Variants in MAP4K4 observed in about 807,000 individuals in gnomAD.
The protein encoded by MAP4K4 is HPK/GCK-like kinase HGK.
In MAP4K4, 38 loss-of-function variants were observed where a neutral mutation model predicts 189.6. The observed-to-expected ratio is 0.20, with a 90% CI of 0.15 to 0.26. The LOEUF is 0.26. Among genes scored for constraint, MAP4K4 ranks in the 10% least tolerant of loss-of-function variants. The probability of loss-of-function intolerance (pLI) is 1.00; values close to 1 mark genes in which losing one functional copy is unlikely to be tolerated. For missense variants in MAP4K4, 1,054 were observed against 1,726.9 expected (o/e 0.61, Z 6.91); for synonymous variants, 610 against 624.3 (o/e 0.98, Z 0.34).
At chr2:101,822,855 A>G (rs775059727) in intron 3 of MAP4K4, among the ~76,000 whole-genome samples, 12 of 152,228 alleles carry the variant, frequency 7.9e-5, no homozygotes, top group Non-Finnish European at 1.6e-4. Context: ...TTGAAAATGT[A>G]TGCAGTATAG....
intron 1 of MAP4K4, 88 bp from the exon 2 acceptor site, chr2:101,698,385 A>C: frequency 1.6e-6 from 2 of 1,252,798 alleles, no homozygotes; most frequent in Non-Finnish European, 2.3e-6. Flanking sequence ...CTCTTTTGTC[A>C]CCGCCTTTTC....
At chr2:101,806,920 G>T (rs149286775) in intron 3 of MAP4K4, among the ~76,000 whole-genome samples, 1 of 152,216 alleles carries the variant, frequency 6.6e-6, no homozygotes, top group Non-Finnish European at 1.5e-5. Flanking sequence ...TTGGAACTAC[G>T]GTTAAAGCAG....
chr2:101,771,273 A>G (rs530239341), intron 2 of MAP4K4, among the ~76,000 whole-genome samples: 1 of 152,286 alleles, frequency 6.6e-6, no homozygotes, highest in South Asian at 2.1e-4. Context: ...TAATGGGAAA[A>G]GGAAGGAACA....
At chr2:101,827,080 G>A (rs763554016) in intron 5 of MAP4K4, among the ~76,000 whole-genome samples, 4 of 152,092 alleles carry the variant, frequency 2.6e-5, no homozygotes, top group Non-Finnish European at 4.4e-5. Context: ...ACCCAGGCAA[G>A]CATTGTTTAC....
intron 12 of MAP4K4, among the ~76,000 whole-genome samples, chr2:101,845,396 T>C (rs1173766780): frequency 6.6e-6 from 1 of 152,180 alleles, no homozygotes; most frequent in African/African-American, 2.4e-5. Flanking sequence ...TATACAGTCA[T>C]GGGTCGCTTA....
intron 2 of MAP4K4, among the ~76,000 whole-genome samples, chr2:101,730,235 A>G (rs1487048480): frequency 1.3e-5 from 2 of 152,140 alleles, no homozygotes; most frequent in East Asian, 3.8e-4. Flanking sequence ...AATAGTTGGT[A>G]GATGGTCTTT....
chr2:101,833,619 C>CAAA (rs373529950), intron 7 of MAP4K4, among the ~76,000 whole-genome samples: 1 of 64,658 alleles, frequency 1.5e-5, no homozygotes, highest in Non-Finnish European at 3.3e-5. Flanking sequence ...GACTCCATCT[C>CAAA]AAAAAAAAAA....
At chr2:101,879,734 G>A (rs970600582) in intron 27 of MAP4K4, among the ~76,000 whole-genome samples, 14 of 151,912 alleles carry the variant, frequency 9.2e-5, no homozygotes, top group African/African-American at 3.4e-4. Context: ...CCAGAGGCAA[G>A]CACTGTCCAG....
Position 101,877,155 on chromosome 2 carries a change from T to G in MAP4K4, c.3385+9T>G, listed in dbSNP as rs776007398. 3.1e-6 allele frequency: 5 copies of G among 1,613,820 alleles called. No homozygotes were observed. Among genetic ancestry groups the G allele is most frequent in the Non-Finnish European group, 4.2e-6 (5 of 1,179,760 alleles). On this transcript the variant is annotated intron_variant, in intron 27 of 32. Transcript: ENST00000324219. ...CTTGGTGACAATATCTGGTGAGTGTTTGTTTTGTAAACCAGAATATGTGAC... is the reference window on the plus strand; with the variant it reads ...CTTGGTGACAATATCTGGTGAGTGTGTGTTTTGTAAACCAGAATATGTGAC...
chr2:101,867,555 C>T, intron 20 of MAP4K4: 1 of 452,518 alleles, frequency 2.2e-6, no homozygotes, highest in Non-Finnish European at 3.9e-6. Context: ...ACTTGGTGTA[C>T]AGTCAGCCTT....
Position 101,829,501 on chromosome 2 carries a change from C to T in MAP4K4, c.418-3C>T, listed in dbSNP as rs763771868. The stretch of plus-strand genomic sequence containing the variant: ...AAAATTCAGGTCTGTCTTTCCTATT[C>T]AGGGACTGGCACATCTTCACATTCA... On this transcript the variant is annotated splice_region_variant and splice_polypyrimidine_tract_variant and intron_variant, in intron 5 of 32. Transcript: ENST00000324219. 7.5e-6 allele frequency: 12 copies of T among 1,603,082 alleles called. No homozygotes were observed. The South Asian group carries it at 1.3e-4, about 18-fold the overall frequency.
rs193088993 is a variant in MAP4K4 at position 101,859,914 on chromosome 2, C to T, written c.1704+50C>T. 2.6e-3 allele frequency: 3,903 copies of T among 1,519,888 alleles called. 10 individuals carry two copies. The highest frequency in any genetic ancestry group is 3.6e-3 in the Admixed American group (185 of 51,468). The allele number at this position is 1,519,888 out of a possible 1,614,324, so 94.2% of individuals were successfully genotyped here. The stretch of plus-strand genomic sequence containing the variant: ...GACATTGCCCTGGAAAGTCGTATAA[C>T]GACTCTTCAGAACTGTGTCATATGA... On this transcript the variant is annotated intron_variant, in intron 15 of 32. Coordinates refer to ENST00000324219, the Ensembl canonical transcript of MAP4K4.
At chr2:101,869,534 T>A in intron 21 of MAP4K4, 88 bp from the exon 22 acceptor site, 1 of 1,019,704 alleles carries the variant, frequency 9.8e-7, no homozygotes. Flanking sequence ...AAACTGACAT[T>A]GTGGCAATTT....
chr2:101,760,370 T>G (rs1352436941), intron 2 of MAP4K4, among the ~76,000 whole-genome samples: 1 of 151,552 alleles, frequency 6.6e-6, no homozygotes, highest in African/African-American at 2.4e-5. Flanking sequence ...GAGCCTGTAG[T>G]CCCAGCTACT....
chr2:101,878,640 C>T (rs1024670628), intron 27 of MAP4K4, among the ~76,000 whole-genome samples: 1 of 152,102 alleles, frequency 6.6e-6, no homozygotes, highest in Non-Finnish European at 1.5e-5. Flanking sequence ...AGGCACATAC[C>T]ATGTTGCATA....
intron 7 of MAP4K4, among the ~76,000 whole-genome samples, chr2:101,832,516 A>G (rs1385831452): frequency 6.6e-6 from 1 of 152,216 alleles, no homozygotes; most frequent in Non-Finnish European, 1.5e-5. Flanking sequence ...TATCCAATTA[A>G]TGAGACTTAA....
intron 2 of MAP4K4, among the ~76,000 whole-genome samples, chr2:101,779,400 ACTGCCC>A (rs2086106336): frequency 6.6e-6 from 1 of 152,200 alleles, no homozygotes; most frequent in Non-Finnish European, 1.5e-5. Flanking sequence ...AAGCTATAAA[ACTGCCC>A]TTTTGTTTAC....
At chr2:101,796,255 G>A (rs947208439) in intron 3 of MAP4K4, among the ~76,000 whole-genome samples, 10 of 152,162 alleles carry the variant, frequency 6.6e-5, no homozygotes, top group African/African-American at 2.4e-4. Context: ...CAGCTGCTGC[G>A]AGTACTTGGA....
Position 101,865,046 on chromosome 2 carries a change from A to AAGT in MAP4K4, c.2204+11_2204+13dup. The AAGT allele has an allele frequency of 1.3e-6, 2 of 1,520,378 alleles. No homozygotes were observed. Among genetic ancestry groups the AAGT allele is most frequent in the Non-Finnish European group, 1.8e-6 (2 of 1,117,152 alleles). 94.2% of individuals were successfully genotyped at this position (1,520,378 alleles called of 1,614,324 possible). A position where few individuals can be genotyped will look rare whatever the true frequency, so the allele number is the denominator to read the frequency against. ...AGAGAAACTCCACCAGGTAAAAGAC[A>AAGT]AGTGAGCACTGAGAACAGGCCTTCT... On this transcript the variant is annotated intron_variant, in intron 18 of 32. Coordinates refer to ENST00000324219, the Ensembl canonical transcript of MAP4K4.
Sources: gnomAD v4.1 joint callset for allele counts (sites outside exome capture counted in the v4.1 genomes callset) on GRCh38, gnomAD v4.1.1 for gene constraint, MANE v1.5 for transcripts, NCBI Gene and HGNC (gene_info 2026-07-23, HGNC 2026-07-21) for gene names.